CACNA1C: variants seen among roughly 807,000 people sequenced by gnomAD.
CACNA1C encodes the protein voltage-dependent L-type calcium channel subunit alpha-1C.
Under a neutral mutation model 229.0 loss-of-function variants are expected in CACNA1C, and 30 were observed. The ratio of observed to expected loss-of-function variants is 0.13; its 90% confidence interval spans 0.10 to 0.18. The LOEUF (loss-of-function observed/expected upper bound fraction) is 0.18, where lower values mean the gene tolerates loss of function less well. Ranked by LOEUF, CACNA1C falls within the 10% of genes least tolerant of loss-of-function variation. CACNA1C has a pLI of 1.00. For synonymous variants in CACNA1C, 1,114 were observed against 1,132.5 expected, an observed-to-expected ratio of 0.98 and a Z score of 0.33; for missense variants, 1,658 against 2,845.0, an observed-to-expected ratio of 0.58 and a Z score of 9.49.
chr12:2,093,651 T>C (rs6489347), intron 1 of CACNA1C, among the ~76,000 whole-genome samples: 146,785 of 152,320 alleles, frequency 0.96, 70,797 homozygotes, highest in East Asian at 1. Context: ...CTCCTTTCCC[T>C]CATCGCGGAG....
At chr12:2,208,217 C>T (rs938992866) in intron 3 of CACNA1C, among the ~76,000 whole-genome samples, 4 of 151,916 alleles carry the variant, frequency 2.6e-5, no homozygotes, top group Non-Finnish European at 5.9e-5. Context: ...GCATGATGCC[C>T]AGCCTGAACT....
intron 15 of CACNA1C, among the ~76,000 whole-genome samples, chr12:2,583,474 A>T (rs958846377): frequency 1.3e-5 from 2 of 152,216 alleles, no homozygotes; most frequent in Non-Finnish European, 2.9e-5. Context: ...CGGCTGGGGC[A>T]GGTTTCCAGG....
Position 2,115,564 on chromosome 12 carries a change from G to A in CACNA1C, c.371+19G>A, listed in dbSNP as rs747727050. ...AATGGAAATATCCTTTGTTCACCGG[G>A]CTGGGCATGCTCCTGGGACCTGCAC... On this transcript the variant is annotated intron_variant, in intron 2 of 46. Transcript: ENST00000399655. 6.2e-7 allele frequency: 1 copy of A among 1,611,368 alleles called. No homozygotes were observed. Among genetic ancestry groups the A allele is most frequent in the Admixed American group, 1.7e-5 (1 of 60,006 alleles).
rs1030265969 is a variant in CACNA1C, at chr12:2,584,623, C to T, written c.2339+6C>T. 3 of 1,590,982 alleles carry T rather than the reference C, an allele frequency of 1.9e-6. No individual in the cohort carries two copies. In the African/African-American group the frequency reaches 4.0e-5, roughly 21 times the overall value. ...GAGAGAAAGAAGCTGGCCAGGTAAC[C>T]CTCTAAGCTTGCCCAGGCCTGGGGC... On this transcript the variant is annotated splice_donor_region_variant and intron_variant, in intron 16 of 46. Coordinates refer to ENST00000399655, the MANE Select transcript of CACNA1C (RefSeq NM_000719.7).
At position 2,231,831 on chromosome 12, in the gene CACNA1C, CACTT is replaced by C. The variant is rs2065244093; in HGVS notation, c.477+111404_477+111407del. On this transcript the variant is annotated intron_variant, in intron 3 of 46. Coordinates refer to ENST00000399655, the MANE Select transcript of CACNA1C (RefSeq NM_000719.7). The stretch of plus-strand genomic sequence containing the variant: ...ATCCTTTGACCGGTAGGCAGGTTAT[CACTT>C]ACCAGTTTTTGGCAAGATCAGGAGC... Among the ~76,000 whole-genome samples the C allele has an allele frequency of 2.6e-5, 4 of 152,164 alleles. 1 individual carries two copies. The highest frequency in any genetic ancestry group is 2.6e-4 in the Admixed American group (4 of 15,284).
intron 18 of CACNA1C, among the ~76,000 whole-genome samples, chr12:2,590,455 A>G (rs2064739662): frequency 6.6e-6 from 1 of 152,164 alleles, no homozygotes; most frequent in Non-Finnish European, 1.5e-5. Flanking sequence ...GCCAACCCCA[A>G]AATGAGCCTT....
chr12:2,153,720 C>T (rs2095412875), intron 3 of CACNA1C, among the ~76,000 whole-genome samples: 2 of 152,166 alleles, frequency 1.3e-5, no homozygotes, highest in South Asian at 4.1e-4. Context: ...GTGGGGCAGC[C>T]CTCTTGGGGA....
chr12:2,562,051 T>G (rs2047742491), intron 11 of CACNA1C, among the ~76,000 whole-genome samples: 1 of 152,138 alleles, frequency 6.6e-6, no homozygotes, highest in African/African-American at 2.4e-5. Context: ...TTAAATACTT[T>G]CTCTGGATAG....
chr12:2,155,288 C>T (rs543142791), intron 3 of CACNA1C, among the ~76,000 whole-genome samples: 22 of 152,110 alleles, frequency 1.4e-4, no homozygotes, highest in Admixed American at 3.9e-4. Context: ...TTCAGGGTCC[C>T]GGAGATCATG....
intron 9 of CACNA1C, among the ~76,000 whole-genome samples, chr12:2,548,224 C>G (rs7298483): frequency 0.16 from 24,354 of 152,062 alleles, 2,174 homozygotes; most frequent in African/African-American, 0.23. Flanking sequence ...CTGGTCTCAC[C>G]AGCCCCTCCA....
intron 21 of CACNA1C, among the ~76,000 whole-genome samples, chr12:2,599,939 T>C (rs1356276937): frequency 6.6e-6 from 1 of 152,220 alleles, no homozygotes; most frequent in Non-Finnish European, 1.5e-5. Context: ...TGGTCTCATT[T>C]GAGGGTCCCT....
At position 2,605,031 on chromosome 12, in the gene CACNA1C, C is replaced by T. The variant is rs759218537; in HGVS notation, c.2961-50C>T. 2 of 1,353,918 alleles carry T rather than the reference C, an allele frequency of 1.5e-6. No homozygotes were observed. The highest frequency in any genetic ancestry group is 2.1e-6 in the Non-Finnish European group (2 of 943,590). 83.9% of individuals were successfully genotyped at this position (1,353,918 alleles called of 1,614,324 possible). A position where few individuals can be genotyped will look rare whatever the true frequency, so the allele number is the denominator to read the frequency against. On this transcript the variant is annotated intron_variant, in intron 22 of 46. Transcript: ENST00000399655. The surrounding 1 kb of genome is among the most constrained non-coding windows in gnomAD (Gnocchi z 6.2). The stretch of plus-strand genomic sequence containing the variant: ...ATTCCCTTACCACATTATTTTTGCT[C>T]CCCCCAGAAACAGGAGGAGCTTACT...
At chr12:2,025,998 T>C (rs1404712275) in intron 1 of CACNA1C, among the ~76,000 whole-genome samples, 3 of 152,206 alleles carry the variant, frequency 2.0e-5, no homozygotes, top group Non-Finnish European at 2.9e-5. Context: ...AGTAGACATA[T>C]GTGCAAAAGC....
At chr12:2,004,343 C>A in intron 1 of CACNA1C, 3 of 1,613,330 alleles carry the variant, frequency 1.9e-6, no homozygotes, top group Non-Finnish European at 2.5e-6. Context: ...GTCCACGATG[C>A]GGTTGATATA....
At chr12:2,257,918 A>G (rs1304665991) in intron 3 of CACNA1C, among the ~76,000 whole-genome samples, 2 of 152,166 alleles carry the variant, frequency 1.3e-5, no homozygotes, top group African/African-American at 2.4e-5. Flanking sequence ...GACCTACAGA[A>G]GCGGCATTTT....
intron 34 of CACNA1C, among the ~76,000 whole-genome samples, chr12:2,661,837 G>C (rs769364905): frequency 1.3e-5 from 2 of 152,144 alleles, no homozygotes; most frequent in African/African-American, 4.8e-5. Flanking sequence ...GATTAACAAA[G>C]AAAAATAATT....
chr12:2,148,709 C>T (rs1404903093), intron 3 of CACNA1C, among the ~76,000 whole-genome samples: 1 of 151,004 alleles, frequency 6.6e-6, no homozygotes, highest in South Asian at 2.1e-4. Flanking sequence ...ACACTACACC[C>T]GGCGAGTTTT....
At chr12:2,470,841 A>T (rs1448497686) in intron 5 of CACNA1C, among the ~76,000 whole-genome samples, 1 of 151,164 alleles carries the variant, frequency 6.6e-6, no homozygotes, top group East Asian at 1.9e-4. Flanking sequence ...TCTATACTTG[A>T]TCTTTTTTTT....
chr12:2,069,447 G>T (rs4765662), intron 1 of CACNA1C, among the ~76,000 whole-genome samples: 36,095 of 152,058 alleles, frequency 0.24, 4,572 homozygotes, highest in African/African-American at 0.34. Flanking sequence ...GTGCATTTGT[G>T]TGTGTCAGAG....
Sources: allele counts gnomAD v4.1 joint callset (sites outside exome capture counted in the v4.1 genomes callset), GRCh38; gene constraint gnomAD v4.1.1; non-coding constraint Gnocchi (gnomAD v3.1); transcripts MANE v1.5; gene names NCBI Gene and HGNC (gene_info 2026-07-23, HGNC 2026-07-21).